The following KAZN variants were observed in gnomAD, a reference collection of about 807,000 sequenced individuals.
KAZN encodes the protein kazrin, periplakin interacting protein, also known as kazrin.
In KAZN, 40 loss-of-function variants were observed where a neutral mutation model predicts 87.4. The ratio of observed to expected loss-of-function variants is 0.46; its 90% CI spans 0.36 to 0.60. The LOEUF is 0.60. Ranked by LOEUF, KAZN falls within the 20% of genes least tolerant of loss-of-function variation. The probability of loss-of-function intolerance (pLI) is 0.00; values close to 1 mark genes in which losing one functional copy is unlikely to be tolerated. For missense variants in KAZN, 898 were observed against 1,073.9 expected (o/e 0.84, Z 2.29); for synonymous variants, 466 against 458.3 (o/e 1.02, Z -0.22).
intron 1 of KAZN, among the ~76,000 whole-genome samples, chr1:14,729,898 T>C (rs889403931): frequency 2.6e-5 from 4 of 152,188 alleles, no homozygotes; most frequent in Non-Finnish European, 5.9e-5. Context: ...CATAACATGA[T>C]AATTATAGGA....
At chr1:15,114,098 C>A (rs985749559) in intron 14 of KAZN, 4 of 182,052 alleles carry the variant, frequency 2.2e-5, no homozygotes, top group Non-Finnish European at 4.6e-5. Context: ...GCAGTCAGAC[C>A]TCATGGGCCT....
intron 2 of KAZN, among the ~76,000 whole-genome samples, chr1:15,013,464 T>C (rs6429703): frequency 0.85 from 129,864 of 152,184 alleles, 55,478 homozygotes; most frequent in South Asian, 0.87. Context: ...TTAGAGATGG[T>C]GGAACCGGGC....
intron 1 of KAZN, among the ~76,000 whole-genome samples, chr1:13,899,349 T>A (rs1210675816): frequency 6.6e-6 from 1 of 152,210 alleles, no homozygotes; most frequent in Non-Finnish European, 1.5e-5. Context: ...AGAGAAATAT[T>A]TCTCTTAACT....
At chr1:14,046,799 G>T (rs537516554) in intron 1 of KAZN, among the ~76,000 whole-genome samples, 1 of 152,334 alleles carries the variant, frequency 6.6e-6, no homozygotes, top group South Asian at 2.1e-4. Flanking sequence ...AGGTCATCTG[G>T]CAGCAGGCCC....
chr1:14,936,461 T>C (rs767665223), intron 1 of KAZN, among the ~76,000 whole-genome samples: 1 of 152,212 alleles, frequency 6.6e-6, no homozygotes, highest in Non-Finnish European at 1.5e-5. Flanking sequence ...CACCATGGGA[T>C]ATGCCTTGGT....
chr1:14,662,698 T>TGA lies in KAZN; in HGVS notation c.226+63476_226+63477insAG, dbSNP rs1335683225. ...GTATATGAGTGTTTGCCTGTGTGTG[T>TGA]GTATGTGTGCATGTGTATATGTATG... is the stretch of plus-strand genomic sequence containing the variant. On this transcript the variant is annotated intron_variant, in intron 1 of 14. Coordinates refer to ENST00000376030, the MANE Select transcript of KAZN (RefSeq NM_201628.3). 2.0e-5 allele frequency among the ~76,000 whole-genome samples: 3 copies of TGA among 151,790 alleles called. No individual in the cohort carries two copies. The East Asian group carries it at 5.8e-4, about 29-fold the overall frequency.
rs141304950 is a variant in KAZN at position 15,081,837 on chromosome 1, G to A, written c.1223-12343G>A. Reference sequence around the variant, plus strand: ...AGCTAAGGATGAAGCTGGCAAGGTCGGCCTGTGGGTCACAGCAAGGACCTT... The same window carrying A: ...AGCTAAGGATGAAGCTGGCAAGGTCAGCCTGTGGGTCACAGCAAGGACCTT... On this transcript the variant is annotated intron_variant, in intron 8 of 14. Coordinates refer to ENST00000376030, the MANE Select transcript of KAZN (RefSeq NM_201628.3). This position sits in a 1 kb window ranked among gnomAD's most constrained non-coding sequence, Gnocchi z 4.1. Among the ~76,000 whole-genome samples, 151 of 152,218 alleles carry A rather than the reference G, an allele frequency of 9.9e-4. No homozygotes were observed. The highest frequency in any genetic ancestry group is 3.5e-3 in the African/African-American group (145 of 41,518).
At chr1:14,909,060 C>T (rs1656933420) in intron 1 of KAZN, among the ~76,000 whole-genome samples, 1 of 152,154 alleles carries the variant, frequency 6.6e-6, no homozygotes, top group African/African-American at 2.4e-5. Flanking sequence ...ATCTCAACAG[C>T]AGTGTCCTCG....
At chr1:14,175,020 A>G (rs1221342542) in intron 1 of KAZN, among the ~76,000 whole-genome samples, 2 of 152,182 alleles carry the variant, frequency 1.3e-5, no homozygotes, top group Non-Finnish European at 2.9e-5. Context: ...CTCCCACGGG[A>G]GGGTCACTAG....
chr1:15,021,303 G>T lies in KAZN; in HGVS notation c.419-13446G>T, dbSNP rs908145796. 3.3e-5 allele frequency among the ~76,000 whole-genome samples: 5 copies of T among 152,154 alleles called. No homozygotes were observed. The highest frequency in any genetic ancestry group is 2.6e-4 in the Admixed American group (4 of 15,276). ...TTAAAAATAGTCCTCGTTGTGTGGG[G>T]CATGGGGCCTGAGGCTGATATTGCA... On this transcript the variant is annotated intron_variant, in intron 2 of 14. Transcript: ENST00000376030. The surrounding 1 kb of genome is among the most constrained non-coding windows in gnomAD (Gnocchi z 4.2).
intron 3 of KAZN, among the ~76,000 whole-genome samples, chr1:15,038,930 A>C (rs1672627927): frequency 1.3e-5 from 2 of 150,654 alleles, no homozygotes; most frequent in African/African-American, 4.9e-5. Context: ...TTGTGCACCT[A>C]CTGTATACAG....
intron 2 of KAZN, among the ~76,000 whole-genome samples, chr1:14,249,102 A>T (rs988227640): frequency 6.6e-6 from 1 of 152,234 alleles, no homozygotes; most frequent in African/African-American, 2.4e-5. Context: ...AGCCCCTGAC[A>T]TAATGAAGCA....
intron 2 of KAZN, among the ~76,000 whole-genome samples, chr1:14,195,111 CTTA>C (rs1353741984): frequency 2.6e-5 from 4 of 152,166 alleles, no homozygotes; most frequent in African/African-American, 7.2e-5. Flanking sequence ...GATACAACAG[CTTA>C]TTATAGAAGA....
intron 3 of KAZN, among the ~76,000 whole-genome samples, chr1:15,041,347 G>GT (rs1672905556): frequency 1.4e-4 from 9 of 63,466 alleles, no homozygotes; most frequent in Non-Finnish European, 2.5e-4. Context: ...TTTTTTTTTT[G>GT]TTTTTTTGAG....
chr1:14,746,951 C>T (rs1428767822), intron 1 of KAZN, among the ~76,000 whole-genome samples: 1 of 152,192 alleles, frequency 6.6e-6, no homozygotes, highest in Non-Finnish European at 1.5e-5. Flanking sequence ...TACTTCTCAT[C>T]TTCCCAAATG....
intron 2 of KAZN, among the ~76,000 whole-genome samples, chr1:14,538,464 G>T (rs912464262): frequency 3.9e-5 from 6 of 152,166 alleles, no homozygotes; most frequent in South Asian, 2.1e-4. Context: ...CCAAGATCAA[G>T]ACGCTGGCAG....
chr1:14,592,940 T>G (rs753253298), intron 2 of KAZN, among the ~76,000 whole-genome samples: 1 of 152,136 alleles, frequency 6.6e-6, no homozygotes, highest in Non-Finnish European at 1.5e-5. Context: ...TCTGATAGGA[T>G]AGGAGAGAAA....
intron 1 of KAZN, among the ~76,000 whole-genome samples, chr1:13,965,382 A>G (rs1254961335): frequency 6.6e-6 from 1 of 152,118 alleles, no homozygotes; most frequent in Non-Finnish European, 1.5e-5. Context: ...AGGCTTGAAT[A>G]AGATGCTGAT....
At chr1:14,865,908 G>T (rs1572682861) in intron 1 of KAZN, among the ~76,000 whole-genome samples, 1 of 152,094 alleles carries the variant, frequency 6.6e-6, no homozygotes, top group Admixed American at 6.5e-5. Flanking sequence ...GGAGTGCCAA[G>T]AAACCACCAG....
Sources: allele counts gnomAD v4.1 joint callset (sites outside exome capture counted in the v4.1 genomes callset), GRCh38; gene constraint gnomAD v4.1.1; non-coding constraint Gnocchi (gnomAD v3.1); transcripts MANE v1.5; gene names NCBI Gene and HGNC (gene_info 2026-07-23, HGNC 2026-07-21).